Variants in ROBO1 observed in about 807,000 individuals in gnomAD.
ROBO1 encodes the protein roundabout guidance receptor 1.
A neutral mutation model predicts 195.9 loss-of-function variants in ROBO1; 149 were observed. The observed-to-expected ratio is 0.76, with a 90% CI of 0.67 to 0.87. The LOEUF is 0.87. ROBO1 is among the 40% of genes least tolerant of loss of function. The pLI, the probability that ROBO1 is intolerant of heterozygous loss-of-function variation, is 0.00. For synonymous variants in ROBO1, 816 were observed against 733.2 expected (o/e 1.11, Z -1.82); for missense variants, 1,933 against 2,068.3 (o/e 0.93, Z 1.27).
intron 4 of ROBO1, among the ~76,000 whole-genome samples, chr3:78,795,619 T>G (rs1326187362): frequency 1.3e-5 from 2 of 152,210 alleles, no homozygotes; most frequent in Non-Finnish European, 2.9e-5. Context: ...TAACTTCTTT[T>G]AAGACATATA....
chr3:79,636,308 T>A (rs1222576656), intron 1 of ROBO1, among the ~76,000 whole-genome samples: 2 of 152,150 alleles, frequency 1.3e-5, no homozygotes, highest in African/African-American at 2.4e-5. Context: ...AATTTATTCA[T>A]AAGTGTATAT....
chr3:78,736,642 A>G (rs2082398736), intron 5 of ROBO1, among the ~76,000 whole-genome samples: 1 of 152,194 alleles, frequency 6.6e-6, no homozygotes, highest in South Asian at 2.1e-4. Context: ...TGAATAGTGA[A>G]AAGACAGAGC....
chr3:79,478,774 G>C (rs1230625593), intron 2 of ROBO1, among the ~76,000 whole-genome samples: 1 of 152,074 alleles, frequency 6.6e-6, no homozygotes, highest in Non-Finnish European at 1.5e-5. Context: ...AGCTCTCCCA[G>C]GAAGCTTTGC....
intron 3 of ROBO1, chr3:79,018,464 T>C (rs2078011837): frequency 1.2e-6 from 2 of 1,613,830 alleles, no homozygotes; most frequent in Non-Finnish European, 1.7e-6. Context: ...GCAATCATTG[T>C]CCTCGGGTGG....
chr3:78,949,200 C>G (rs1156485615), intron 3 of ROBO1, among the ~76,000 whole-genome samples: 5 of 131,442 alleles, frequency 3.8e-5, no homozygotes, highest in African/African-American at 1.6e-4. Flanking sequence ...ACCGCATCGC[C>G]AAGTCAATCC....
chr3:79,359,415 C>T (rs1268941792), intron 2 of ROBO1, among the ~76,000 whole-genome samples: 4 of 151,996 alleles, frequency 2.6e-5, no homozygotes, highest in African/African-American at 9.7e-5. Flanking sequence ...TCTCAAAAGG[C>T]TGCTTAATTC....
chr3:79,366,314 G>A (rs1185328416), intron 2 of ROBO1, among the ~76,000 whole-genome samples: 1 of 152,088 alleles, frequency 6.6e-6, no homozygotes, highest in African/African-American at 2.4e-5. Flanking sequence ...TGGGAGTATG[G>A]GAGGGCAATA....
intron 2 of ROBO1, among the ~76,000 whole-genome samples, chr3:79,288,883 A>T (rs1405842986): frequency 6.6e-6 from 1 of 152,088 alleles, no homozygotes. Context: ...TCATTTGTAT[A>T]GTAGAATCAT....
chr3:79,209,458 C>T (rs1211260838), intron 2 of ROBO1, among the ~76,000 whole-genome samples: 2 of 151,716 alleles, frequency 1.3e-5, no homozygotes, highest in Admixed American at 6.6e-5. Flanking sequence ...CATGCATGTG[C>T]AAGTGTTTTT....
At chr3:79,739,391 C>G (rs928510442) in intron 1 of ROBO1, among the ~76,000 whole-genome samples, 3 of 152,046 alleles carry the variant, frequency 2.0e-5, no homozygotes, top group Non-Finnish European at 4.4e-5. Flanking sequence ...ATTCCTGGAG[C>G]TAAACCTTTG....
At chr3:79,303,421 C>T (rs907437862) in intron 2 of ROBO1, among the ~76,000 whole-genome samples, 1 of 152,118 alleles carries the variant, frequency 6.6e-6, no homozygotes, top group Non-Finnish European at 1.5e-5. Flanking sequence ...CCACCTTGGC[C>T]TCTCAAAGTG....
intron 2 of ROBO1, among the ~76,000 whole-genome samples, chr3:79,586,767 G>A (rs1943843538): frequency 6.6e-6 from 1 of 151,586 alleles, no homozygotes; most frequent in East Asian, 1.9e-4. Flanking sequence ...TACATCCGTG[G>A]CAATAAAAGG....
chr3:78,634,462 C>A, intron 23 of ROBO1: 1 of 311,402 alleles, frequency 3.2e-6, no homozygotes, highest in Non-Finnish European at 6.9e-6. Context: ...GATAAGCTTG[C>A]CACTGGAATG....
At chr3:78,668,336 G>A in intron 12 of ROBO1, 34 bp from the exon 13 acceptor site, 1 of 1,610,706 alleles carries the variant, frequency 6.2e-7, no homozygotes. Flanking sequence ...AATAAAAGAT[G>A]TTTACACATA....
intron 1 of ROBO1, among the ~76,000 whole-genome samples, chr3:79,746,525 A>T (rs536804472): frequency 6.6e-6 from 1 of 152,100 alleles, no homozygotes. Flanking sequence ...AAGTAATTTC[A>T]ATGACCAATT....
chr3:79,015,301 G>A (rs1240989147), intron 3 of ROBO1, among the ~76,000 whole-genome samples: 3 of 151,654 alleles, frequency 2.0e-5, no homozygotes, highest in Non-Finnish European at 4.4e-5. Flanking sequence ...GAGGAAGAGA[G>A]ACCAGAGACC....
intron 10 of ROBO1, among the ~76,000 whole-genome samples, chr3:78,681,077 G>C (rs1020459817): frequency 6.6e-6 from 1 of 151,704 alleles, no homozygotes; most frequent in African/African-American, 2.4e-5. Context: ...GTAAACTATC[G>C]CAAGGACAAA....
intron 10 of ROBO1, among the ~76,000 whole-genome samples, chr3:78,677,427 C>T (rs969841588): frequency 7.4e-4 from 113 of 152,124 alleles, no homozygotes; most frequent in African/African-American, 2.1e-3. Flanking sequence ...TTCAGGAAAC[C>T]CATCTCACAT....
intron 28 of ROBO1, among the ~76,000 whole-genome samples, chr3:78,607,853 G>C (rs1257065015): frequency 1.3e-5 from 2 of 152,040 alleles, no homozygotes; most frequent in Non-Finnish European, 2.9e-5. Context: ...CTCAAACCTA[G>C]ATATAATCAG....
Sources: gnomAD v4.1 joint callset for allele counts (sites outside exome capture counted in the v4.1 genomes callset) on GRCh38, gnomAD v4.1.1 for gene constraint, MANE v1.5 for transcripts, NCBI Gene and HGNC (gene_info 2026-07-23, HGNC 2026-07-21) for gene names.